Variants in FAXC observed in about 807,000 individuals in gnomAD.
FAXC encodes failed axon connections homolog, metaxin like GST domain containing, also known as failed axon connections homolog.
Under a neutral mutation model 41.9 loss-of-function variants are expected in FAXC, and 10 were observed. The ratio of observed to expected loss-of-function variants is 0.24; its 90% CI spans 0.15 to 0.41. The LOEUF (loss-of-function observed/expected upper bound fraction) is 0.41. FAXC is among the 10% of genes least tolerant of loss of function. FAXC has a pLI of 1.00. For synonymous variants in FAXC, 183 were observed against 183.8 expected (o/e 1.00, Z 0.03); for missense variants, 399 against 510.9 (o/e 0.78, Z 2.11).
intron 4 of FAXC, among the ~76,000 whole-genome samples, chr6:99,300,971 A>G (rs913935788): frequency 6.6e-6 from 1 of 152,262 alleles, no homozygotes; most frequent in Non-Finnish European, 1.5e-5. Flanking sequence ...TCAACTCTGC[A>G]GGCAGACTCC....
chr6:99,298,366 G>A (rs1017910108), intron 4 of FAXC, among the ~76,000 whole-genome samples: 1 of 151,870 alleles, frequency 6.6e-6, no homozygotes, highest in African/African-American at 2.4e-5. Flanking sequence ...CACCACACCT[G>A]GCCTTGAAAG....
chr6:99,304,791 T>C (rs1771849602), intron 4 of FAXC, among the ~76,000 whole-genome samples: 1 of 151,836 alleles, frequency 6.6e-6, no homozygotes, highest in Non-Finnish European at 1.5e-5. Flanking sequence ...TACCAGAAAG[T>C]AGGGGAGGGG....
At chr6:99,314,402 C>T (rs1388844535) in intron 4 of FAXC, among the ~76,000 whole-genome samples, 3 of 152,108 alleles carry the variant, frequency 2.0e-5, no homozygotes, top group East Asian at 1.9e-4. Context: ...TACAAAACCC[C>T]GTCTCTACAA....
chr6:99,311,275 G>A (rs2128456561), intron 4 of FAXC, among the ~76,000 whole-genome samples: 1 of 152,260 alleles, frequency 6.6e-6, no homozygotes, highest in Admixed American at 6.5e-5. Flanking sequence ...TCTCCCCAGA[G>A]AGTGAACATA....
chr6:99,344,223 A>C (rs988485717), intron 1 of FAXC, among the ~76,000 whole-genome samples: 10 of 152,156 alleles, frequency 6.6e-5, no homozygotes, highest in Middle Eastern at 3.2e-3. Flanking sequence ...ATTTATCCCC[A>C]TCCAAAGAGA....
chr6:99,284,521 A>T (rs1770943988), intron 5 of FAXC, among the ~76,000 whole-genome samples: 1 of 151,946 alleles, frequency 6.6e-6, no homozygotes, highest in Non-Finnish European at 1.5e-5. Flanking sequence ...ACAAAAGAAC[A>T]GAAAAAGTTG....
chr6:99,331,760 G>A (rs1773034744), intron 3 of FAXC, among the ~76,000 whole-genome samples: 1 of 152,194 alleles, frequency 6.6e-6, no homozygotes, highest in African/African-American at 2.4e-5. Flanking sequence ...TGGGTCACGT[G>A]GCCTTGTGCA....
Position 99,281,160 on chromosome 6 carries a change from G to T in FAXC, c.*4C>A. On this transcript the variant is annotated 3_prime_UTR_variant, in exon 6 of 6. Transcript: ENST00000389677. ...CCAAGGAAGAGGGTCAGTGAGGCTG[G>T]ACGTCACTTGCACTGTTCGTGGTCT... is the stretch of plus-strand genomic sequence containing the variant. The T allele has an allele frequency of 1.5e-6, 2 of 1,291,444 alleles. No homozygotes were observed. Among genetic ancestry groups the T allele is most frequent in the South Asian group, 1.2e-5 (1 of 84,392 alleles). 80.0% of individuals were successfully genotyped at this position (1,291,444 alleles called of 1,614,324 possible).
At chr6:99,327,241 T>C (rs1029635761) in intron 3 of FAXC, among the ~76,000 whole-genome samples, 2 of 152,172 alleles carry the variant, frequency 1.3e-5, no homozygotes, top group Admixed American at 1.3e-4. Flanking sequence ...AAACTTTAAA[T>C]ACCAAAGAAA....
intron 1 of FAXC, among the ~76,000 whole-genome samples, chr6:99,346,984 A>G (rs1435114389): frequency 6.6e-6 from 1 of 152,200 alleles, no homozygotes; most frequent in Non-Finnish European, 1.5e-5. Flanking sequence ...AAAACTGGCC[A>G]AGTATGGTGG....
chr6:99,337,472 G>A (rs1773255356), intron 2 of FAXC, among the ~76,000 whole-genome samples: 4 of 152,126 alleles, frequency 2.6e-5, no homozygotes, highest in Admixed American at 2.0e-4. Context: ...ATGTAAGGAA[G>A]AAAAGCCAAA....
At chr6:99,294,094 C>T (rs1771369853) in intron 4 of FAXC, among the ~76,000 whole-genome samples, 1 of 152,074 alleles carries the variant, frequency 6.6e-6, no homozygotes, top group South Asian at 2.1e-4. Flanking sequence ...AACCAAATTG[C>T]CTTTTCTGGC....
chr6:99,301,050 C>A (rs1426090023), intron 4 of FAXC, among the ~76,000 whole-genome samples: 1 of 152,250 alleles, frequency 6.6e-6, no homozygotes, highest in Non-Finnish European at 1.5e-5. Context: ...CCAGGATACT[C>A]AACCACTTTC....
intron 4 of FAXC, among the ~76,000 whole-genome samples, chr6:99,302,858 A>G (rs1771767198): frequency 6.6e-6 from 1 of 151,950 alleles, no homozygotes; most frequent in South Asian, 2.1e-4. Context: ...TGATATCTGT[A>G]ATTTACTTTA....
intron 5 of FAXC, among the ~76,000 whole-genome samples, chr6:99,289,730 T>C (rs1409792019): frequency 6.6e-6 from 1 of 151,238 alleles, no homozygotes; most frequent in African/African-American, 2.4e-5. Flanking sequence ...TATATATATA[T>C]ATAGTCCAAA....
chr6:99,318,086 G>A (rs547184273), intron 4 of FAXC, among the ~76,000 whole-genome samples: 7 of 152,152 alleles, frequency 4.6e-5, no homozygotes, highest in Non-Finnish European at 7.4e-5. Flanking sequence ...GTGAAAGCCC[G>A]TCTCTACTAA....
At chr6:99,308,084 A>C (rs1771997931) in intron 4 of FAXC, among the ~76,000 whole-genome samples, 1 of 152,240 alleles carries the variant, frequency 6.6e-6, no homozygotes, top group East Asian at 1.9e-4. Context: ...ATCACCTGAG[A>C]TCAGGAGTTC....
At chr6:99,329,810 C>A (rs1762099968) in intron 3 of FAXC, among the ~76,000 whole-genome samples, 1 of 151,254 alleles carries the variant, frequency 6.6e-6, no homozygotes, top group Non-Finnish European at 1.5e-5. Flanking sequence ...AAAATTATGG[C>A]CAACCTAGAA....
intron 1 of FAXC, among the ~76,000 whole-genome samples, chr6:99,344,943 T>TTA (rs1489266415): frequency 6.6e-6 from 1 of 152,174 alleles, no homozygotes; most frequent in East Asian, 1.9e-4. Context: ...GCTAATGACT[T>TTA]TATATATATT....
Sources: gnomAD v4.1 joint callset for allele counts (sites outside exome capture counted in the v4.1 genomes callset) on GRCh38, gnomAD v4.1.1 for gene constraint, MANE v1.5 for transcripts, NCBI Gene and HGNC (gene_info 2026-07-23, HGNC 2026-07-21) for gene names.